Variants in FBXL5 observed in about 807,000 individuals in gnomAD.
FBXL5 encodes the protein F-box/LRR-repeat protein 5.
Under a neutral mutation model 78.3 loss-of-function variants are expected in FBXL5, and 26 were observed. That is an observed-to-expected ratio of 0.33 (90% CI 0.24 to 0.46). FBXL5 has a LOEUF of 0.46. Ranked by LOEUF, FBXL5 falls within the 20% of genes least tolerant of loss-of-function variation. The pLI is 1.00. For missense variants in FBXL5, 710 were observed against 829.2 expected (o/e 0.86, Z 1.77); for synonymous variants, 295 against 282.5 (o/e 1.04, Z -0.45).
Position 15,636,475 on chromosome 4 carries a change from TA to T in FBXL5, c.766+18del, listed in dbSNP as rs754815735. The T allele has an allele frequency of 1.4e-6, 2 of 1,477,984 alleles. No individual in the cohort carries two copies. Among genetic ancestry groups the T allele is most frequent in the East Asian group, 4.9e-5 (2 of 40,586 alleles). The allele number at this position is 1,477,984 out of a possible 1,614,324, so 91.6% of individuals were successfully genotyped here. ...TCTAGAAAAATACATGAAAATATTT[TA>T]AAAACCCATTTACCTACCTCTGGCC... On this transcript the variant is annotated intron_variant, in intron 5 of 10. Coordinates refer to ENST00000341285, the MANE Select transcript of FBXL5 (RefSeq NM_012161.4).
chr4:15,628,932 T>C (rs1257510849), intron 6 of FBXL5, among the ~76,000 whole-genome samples: 1 of 152,074 alleles, frequency 6.6e-6, no homozygotes, highest in Non-Finnish European at 1.5e-5. Context: ...AAATTTTAAA[T>C]TTTTAATTTT....
At chr4:15,663,409 A>C (rs1290111261), upstream of FBXL5, among the ~76,000 whole-genome samples, 1 of 152,176 alleles carries the variant, frequency 6.6e-6, no homozygotes, top group Non-Finnish European at 1.5e-5. Context: ...GAGGTTTCAA[A>C]ATGGTTTGAC....
intron 2 of FBXL5, among the ~76,000 whole-genome samples, chr4:15,642,335 C>T (rs1241581514): frequency 3.3e-5 from 5 of 151,528 alleles, no homozygotes; most frequent in Non-Finnish European, 7.4e-5. Flanking sequence ...CAGGTTCATG[C>T]GATTCTCCCA....
At chr4:15,661,259 G>C (rs866433283), upstream of FBXL5, among the ~76,000 whole-genome samples, 1 of 152,128 alleles carries the variant, frequency 6.6e-6, no homozygotes, top group South Asian at 2.1e-4. Flanking sequence ...GCTTGTAATT[G>C]CACTGTTTTA....
chr4:15,657,661 T>G (rs1237498806), upstream of FBXL5, among the ~76,000 whole-genome samples: 1 of 152,226 alleles, frequency 6.6e-6, no homozygotes, highest in Non-Finnish European at 1.5e-5. Context: ...ATAATCCCTG[T>G]GAGTAATTTT....
chr4:15,653,185 C>G (rs763139241), intron 1 of FBXL5, among the ~76,000 whole-genome samples: 9 of 152,068 alleles, frequency 5.9e-5, no homozygotes, highest in Non-Finnish European at 1.3e-4. Flanking sequence ...ATACAACAAT[C>G]TCATTAACTA....
intron 3 of FBXL5, among the ~76,000 whole-genome samples, chr4:15,639,887 A>G (rs1302447457): frequency 1.8e-4 from 27 of 152,262 alleles, no homozygotes; most frequent in Non-Finnish European, 5.9e-5. Flanking sequence ...ACTGATTTAC[A>G]GCTGAACAGG....
chr4:15,612,785 G>C (rs1722356325), intron 9 of FBXL5, among the ~76,000 whole-genome samples: 1 of 151,990 alleles, frequency 6.6e-6, no homozygotes, highest in Non-Finnish European at 1.5e-5. Context: ...CTAATAAGCA[G>C]TTGGGCAGTT....
At chr4:15,642,589 T>C (rs1338494825) in intron 2 of FBXL5, among the ~76,000 whole-genome samples, 2 of 152,224 alleles carry the variant, frequency 1.3e-5, no homozygotes, top group Non-Finnish European at 1.5e-5. Flanking sequence ...TCTTCTCTGG[T>C]CTCTTTTTCC....
At chr4:15,655,461 T>C, upstream of FBXL5, 1 of 899,650 alleles carries the variant, frequency 1.1e-6, no homozygotes. Flanking sequence ...CGCCATGCGA[T>C]CCCTGCGGCC....
At chr4:15,642,523 A>C (rs1172329407) in intron 2 of FBXL5, among the ~76,000 whole-genome samples, 1 of 152,178 alleles carries the variant, frequency 6.6e-6, no homozygotes, top group Non-Finnish European at 1.5e-5. Flanking sequence ...CGGATGAGCC[A>C]CCATGCCCAG....
At chr4:15,608,577 T>A (rs946059213) in intron 10 of FBXL5, among the ~76,000 whole-genome samples, 1 of 150,448 alleles carries the variant, frequency 6.6e-6, no homozygotes, top group African/African-American at 2.4e-5. Flanking sequence ...ACTCAGTGAG[T>A]AGACACATTT....
At position 15,605,593 on chromosome 4, in the gene FBXL5, T is replaced by A. The variant is rs925109652; in HGVS notation, c.*130A>T. On this transcript the variant is annotated 3_prime_UTR_variant, in exon 11 of 11. Coordinates refer to ENST00000341285, the MANE Select transcript of FBXL5 (RefSeq NM_012161.4). The stretch of plus-strand genomic sequence containing the variant: ...ACTGGTAAATTAAGATTTCTGAAGT[T>A]GTAAGAAATGGGGCCAAAACAAGTC... The A allele has an allele frequency of 1.5e-6, 1 of 671,198 alleles. No homozygotes were observed. Among genetic ancestry groups the A allele is most frequent in the Admixed American group, 2.9e-5 (1 of 34,080 alleles). The allele number at this position is 671,198 out of a possible 1,614,324, so 41.6% of individuals were successfully genotyped here.
intron 1 of FBXL5, among the ~76,000 whole-genome samples, chr4:15,665,897 C>A (rs1177677657): frequency 6.6e-6 from 1 of 152,058 alleles, no homozygotes; most frequent in Non-Finnish European, 1.5e-5. Context: ...GAATCTGGAT[C>A]ACAAGTGAAC....
intron 6 of FBXL5, 123 bp downstream of exon 6, chr4:15,630,543 G>T: frequency 1.2e-6 from 1 of 838,812 alleles, no homozygotes; most frequent in East Asian, 3.3e-5. Flanking sequence ...AAAGTAGTAG[G>T]CTTAGAAACA....
At chr4:15,659,613 C>G (rs1360215243), upstream of FBXL5, 3 of 320,762 alleles carry the variant, frequency 9.4e-6, no homozygotes, top group African/African-American at 6.7e-5. Context: ...ATCATAGTCT[C>G]TTTCATTTTA....
upstream of FBXL5, among the ~76,000 whole-genome samples, chr4:15,655,864 G>T (rs1716875807): frequency 6.6e-6 from 1 of 152,208 alleles, no homozygotes; most frequent in African/African-American, 2.4e-5. Flanking sequence ...GACCACCCCG[G>T]CCGCCACTCA....
chr4:15,605,917 A>T, intron 10 of FBXL5, 118 bp from the exon 11 acceptor site: 1 of 715,060 alleles, frequency 1.4e-6, no homozygotes, highest in Non-Finnish European at 2.5e-6. Flanking sequence ...ATATGATAGA[A>T]GTAAATCTCA....
chr4:15,648,077 A>G (rs1169186162), intron 1 of FBXL5, among the ~76,000 whole-genome samples: 2 of 152,094 alleles, frequency 1.3e-5, no homozygotes, highest in African/African-American at 2.4e-5. Flanking sequence ...AGCTGGTCTT[A>G]AAGTCCTGGC....
Sources: gnomAD v4.1 joint callset for allele counts (sites outside exome capture counted in the v4.1 genomes callset) on GRCh38, gnomAD v4.1.1 for gene constraint, MANE v1.5 for transcripts, NCBI Gene and HGNC (gene_info 2026-07-23, HGNC 2026-07-21) for gene names.